The following ANKEF1 variants were observed in gnomAD, a reference collection of about 807,000 sequenced individuals.
ANKEF1 encodes the protein ankyrin repeat and EF-hand domain-containing protein 1.
ANKEF1 carries 43 observed loss-of-function variants against 65.1 expected under a neutral mutation model. The observed-to-expected ratio is 0.66, with a 90% CI of 0.52 to 0.85. The LOEUF (loss-of-function observed/expected upper bound fraction) is 0.85, where lower values mean the gene tolerates loss of function less well. ANKEF1 is among the 40% of genes least tolerant of loss of function. The pLI is 0.00. For synonymous variants in ANKEF1, 316 were observed against 341.5 expected, an observed-to-expected ratio of 0.93 and a Z score of 0.82; for missense variants, 934 against 952.9, an observed-to-expected ratio of 0.98 and a Z score of 0.26.
At chr20:10,048,261 A>C (rs1984635510) in intron 6 of ANKEF1, among the ~76,000 whole-genome samples, 1 of 143,912 alleles carries the variant, frequency 6.9e-6, no homozygotes, top group African/African-American at 2.6e-5. Flanking sequence ...AAATAGATTT[A>C]TTTTTCTTTT....
chr20:10,053,299 A>T (rs773023891), intron 9 of ANKEF1, 24 bp downstream of exon 9: 3 of 1,573,798 alleles, frequency 1.9e-6, no homozygotes, highest in East Asian at 4.5e-5. Context: ...TTGACTACCC[A>T]TTAGTAACTG....
At chr20:10,045,493 ATAGTGCCGGTC>A in intron 5 of ANKEF1, 70 bp from the exon 6 acceptor site, 3 of 1,424,872 alleles carry the variant, frequency 2.1e-6, no homozygotes, top group East Asian at 4.6e-5. Flanking sequence ...ATTGTACTGG[ATAGTGCCGGTC>A]TAGCTGTCAG....
Position 10,053,148 on chromosome 20 carries a change from A to T in ANKEF1, c.1907A>T (p.Asp636Val). 6.2e-7 allele frequency: 1 copy of T among 1,609,626 alleles called. No homozygotes were observed. Among genetic ancestry groups the T allele is most frequent in the Non-Finnish European group, 8.5e-7 (1 of 1,178,752 alleles). ...ATGGACGTTGCAAAGGCATATGCTGATTATAGAATAATTGATCTGATTAAA... is the reference window on the plus strand; with the variant it reads ...ATGGACGTTGCAAAGGCATATGCTGTTTATAGAATAATTGATCTGATTAAA... ...SAMDVAKAYA[D>V]YRIIDLIKEK... The change falls in exon 9 of 11, where the codon GAT becomes GTT. Residue 636 changes from aspartate to valine, a missense_variant. Transcript: ENST00000378392.
chr20:10,044,209 G>A (rs1180435599), intron 4 of ANKEF1, among the ~76,000 whole-genome samples, 185 bp from the exon 5 acceptor site: 1 of 152,048 alleles, frequency 6.6e-6, no homozygotes, highest in East Asian at 1.9e-4. Context: ...TCTACGTTTT[G>A]GATACTGACC....
rs372553098 is a variant in ANKEF1, at chr20:10,050,219, G to A, written c.1643+7G>A. On this transcript the variant is annotated splice_region_variant and intron_variant, in intron 7 of 10. Transcript: ENST00000378392. ...AGTTTCTTCTTGAAAAAGGGTACGC[G>A]TCTCCGTCGGGTGTGGCCTAAATTT... The A allele has an allele frequency of 9.4e-6, 15 of 1,589,014 alleles. No homozygotes were observed. The highest frequency in any genetic ancestry group is 6.9e-5 in the South Asian group (6 of 86,860).
intron 9 of ANKEF1, among the ~76,000 whole-genome samples, chr20:10,054,119 A>T (rs1222749852): frequency 6.6e-6 from 1 of 152,188 alleles, no homozygotes; most frequent in African/African-American, 2.4e-5. Flanking sequence ...GTAGACAGAC[A>T]GCAGACTTAT....
chr20:10,049,317 G>A (rs1056351224), intron 6 of ANKEF1, 73 bp from the exon 7 acceptor site: 10 of 1,360,052 alleles, frequency 7.4e-6, no homozygotes, highest in Admixed American at 4.5e-5. Flanking sequence ...TAAGAAAACA[G>A]TTGGATGAGT....
rs1055380436 is a variant in ANKEF1, at chr20:10,045,640, C to T, written c.763C>T (p.Leu255Phe). Residue 255 changes from leucine to phenylalanine, a missense_variant, in exon 6 of 11, where the codon CTT becomes TTT. Physicochemically the swap from Leu to Phe is conservative, Grantham distance 22. Coordinates refer to ENST00000378392, the MANE Select transcript of ANKEF1 (RefSeq NM_022096.6). ...GLISINGNTP[L>F]HYAAMGGFAD... ...GATTTCGATAAATGGGAACACACCA[C>T]TTCATTATGCTGCCATGGGTGGTTT... The T allele has an allele frequency of 1.9e-6, 3 of 1,613,888 alleles. No individual in the cohort carries two copies. Among genetic ancestry groups the T allele is most frequent in the Non-Finnish European group, 2.5e-6 (3 of 1,179,864 alleles).
At position 10,055,620 on chromosome 20, in the gene ANKEF1, C is replaced by T. The variant is rs764585154; in HGVS notation, c.2291C>T (p.Thr764Ile). 2 of 1,613,816 alleles carry T rather than the reference C, an allele frequency of 1.2e-6. No individual in the cohort carries two copies. The highest frequency in any genetic ancestry group is 4.5e-5 in the East Asian group (2 of 44,858). ...DFMMPFQKNI[T>I]EKARALEAAL... ...ATGATGCCTTTTCAGAAGAACATCA[C>T]AGAGAAAGCTCGAGCACTGGAAGCT... The change falls in exon 11 of 11, where the codon ACA becomes ATA. Residue 764 changes from threonine to isoleucine, a missense_variant. Transcript: ENST00000378392.
chr20:10,048,038 A>T lies in ANKEF1; in HGVS notation c.821-1352A>T, dbSNP rs143557502. ...CCTGAGTAAGCAAAATAAATAGCTA[A>T]GTAAAAACAGCATATCAGAATTAGT... is the stretch of plus-strand genomic sequence containing the variant. On this transcript the variant is annotated intron_variant, in intron 6 of 10. Transcript: ENST00000378392. Among the ~76,000 whole-genome samples the T allele has an allele frequency of 6.0e-3, 921 of 152,314 alleles. 7 individuals carry two copies. Among genetic ancestry groups the T allele is most frequent in the African/African-American group, 0.022 (895 of 41,578 alleles).
Position 10,049,429 on chromosome 20 carries a change from C to G in ANKEF1, c.860C>G (p.Pro287Arg). ...TGGAAGAATTTAGATCATAAAACGCCCAGGGCTGTGGCTAAGGAAGGCGGC... is the reference window on the plus strand; with the variant it reads ...TGGAAGAATTTAGATCATAAAACGCGCAGGGCTGTGGCTAAGGAAGGCGGC... ...LKWKNLDHKTPRAVAKEGGFK... is the reference protein window; with the variant it reads ...LKWKNLDHKTRRAVAKEGGFK... The change falls in exon 7 of 11, where the codon CCC becomes CGC. Residue 287 changes from proline to arginine, a missense_variant. By Grantham distance (103) the Pro-to-Arg change is moderately radical. Coordinates refer to ENST00000378392, the MANE Select transcript of ANKEF1 (RefSeq NM_022096.6). 1 of 1,613,890 alleles carries G rather than the reference C, an allele frequency of 6.2e-7. No individual in the cohort carries two copies. Among genetic ancestry groups the G allele is most frequent in the African/African-American group, 1.3e-5 (1 of 74,968 alleles).
chr20:10,050,799 C>T (rs1046561736), intron 7 of ANKEF1, among the ~76,000 whole-genome samples: 3 of 152,166 alleles, frequency 2.0e-5, no homozygotes, highest in Non-Finnish European at 2.9e-5. Flanking sequence ...TAATCTGCCT[C>T]TATTTGAGGA....
In ANKEF1 at chr20:10,055,737, A is replaced by G. The variant is rs1417305618; in HGVS notation, c.*77A>G. The G allele has an allele frequency of 6.7e-7, 1 of 1,493,178 alleles. No individual in the cohort carries two copies. The highest frequency in any genetic ancestry group is 1.8e-5 in the Admixed American group (1 of 56,642). The allele number at this position is 1,493,178 out of a possible 1,614,324, so 92.5% of individuals were successfully genotyped here. On this transcript the variant is annotated 3_prime_UTR_variant, in exon 11 of 11. Transcript: ENST00000378392. ...TTTGGAGAAAGTAGATATTTCCATC[A>G]AAGCCAAAGCAATCCATACACCAAG...
chr20:10,038,754 G>T (rs548784313), intron 3 of ANKEF1, 107 bp downstream of exon 3: 2 of 880,596 alleles, frequency 2.3e-6, no homozygotes, highest in African/African-American at 1.7e-5. Flanking sequence ...ATTACTTATG[G>T]TTTTAAGGGA....
In ANKEF1 at chr20:10,056,918, TTTGA is replaced by T. The variant is rs1389639440; in HGVS notation, c.*1263_*1266del. 2.6e-5 allele frequency: 4 copies of T among 152,142 alleles called. No homozygotes were observed. Among genetic ancestry groups the T allele is most frequent in the Non-Finnish European group, 5.9e-5 (4 of 68,018 alleles). The allele number at this position is 152,142 out of a possible 1,614,324, so 9.4% of individuals were successfully genotyped here. A position where few individuals can be genotyped will look rare whatever the true frequency, so the allele number is the denominator to read the frequency against. ...TTCACCACAACACCTAAGATTAGTATTTGATTGAGTTACTGGGTGCTACAACCTA... is the reference window on the plus strand; with the variant it reads ...TTCACCACAACACCTAAGATTAGTATTTGAGTTACTGGGTGCTACAACCTA... On this transcript the variant is annotated 3_prime_UTR_variant, in exon 11 of 11. Transcript: ENST00000378392.
Position 10,053,128 on chromosome 20 carries a change from C to T in ANKEF1, c.1887C>T (p.Asp629=), listed in dbSNP as rs370547870. The change falls in exon 9 of 11, where the codon GAC becomes GAT. Residue 629 remains aspartate, a synonymous_variant. Coordinates refer to ENST00000378392, the MANE Select transcript of ANKEF1 (RefSeq NM_022096.6). ...LENRKGHSAM[D]VAKAYADYRI... Reference sequence around the variant, plus strand: ...TTTCAACAGGGCATAGTGCCATGGACGTTGCAAAGGCATATGCTGATTATA... The same window carrying T: ...TTTCAACAGGGCATAGTGCCATGGATGTTGCAAAGGCATATGCTGATTATA... 9 of 1,601,224 alleles carry T rather than the reference C, an allele frequency of 5.6e-6. No homozygotes were observed. Among genetic ancestry groups the T allele is most frequent in the African/African-American group, 5.4e-5 (4 of 73,944 alleles).
In ANKEF1 at chr20:10,045,625, A is replaced by C. The variant is rs1431874842; in HGVS notation, c.748A>C (p.Asn250His). ...YNGDVGLISI[N>H]GNTPLHYAAM... ...TGGAGACGTGGGGCTGATTTCGATA[A>C]ATGGGAACACACCACTTCATTATGC... Residue 250 changes from asparagine (N) to histidine (H), a missense_variant, in exon 6 of 11, where the codon AAT becomes CAT. Coordinates refer to ENST00000378392, the MANE Select transcript of ANKEF1 (RefSeq NM_022096.6). The C allele has an allele frequency of 6.2e-7, 1 of 1,613,808 alleles. No individual in the cohort carries two copies. Among genetic ancestry groups the C allele is most frequent in the East Asian group, 2.2e-5 (1 of 44,842 alleles).
chr20:10,054,222 T>C (rs1021512060), intron 9 of ANKEF1, among the ~76,000 whole-genome samples: 1 of 152,124 alleles, frequency 6.6e-6, no homozygotes, highest in East Asian at 1.9e-4. Context: ...AGATCAAGGA[T>C]GGGTATCTCA....
At chr20:10,045,490 T>A in intron 5 of ANKEF1, 84 bp from the exon 6 acceptor site, 1 of 1,401,712 alleles carries the variant, frequency 7.1e-7, no homozygotes, top group Non-Finnish European at 1.0e-6. Context: ...GATATTGTAC[T>A]GGATAGTGCC....
Sources: gnomAD v4.1 joint callset for allele counts (sites outside exome capture counted in the v4.1 genomes callset) on GRCh38, gnomAD v4.1.1 for gene constraint, MANE v1.5 for transcripts, NCBI Gene and HGNC (gene_info 2026-07-23, HGNC 2026-07-21) for gene names.